PAK5: variants seen among roughly 807,000 people sequenced by gnomAD.
PAK5 encodes p21 (RAC1) activated kinase 5.
PAK5 carries 16 observed loss-of-function variants against 65.9 expected under a neutral mutation model. That is an observed-to-expected ratio of 0.24 (90% CI 0.16 to 0.37). PAK5 has a LOEUF of 0.37. Ranked by LOEUF, PAK5 falls within the 10% of genes least tolerant of loss-of-function variation. The probability of loss-of-function intolerance (pLI) is 1.00; values close to 1 mark genes in which losing one functional copy is unlikely to be tolerated. For synonymous variants in PAK5, 371 were observed against 354.9 expected (o/e 1.05, Z -0.51); for missense variants, 785 against 903.9 (o/e 0.87, Z 1.69).
At chr20:9,613,903 T>C (rs1304267145) in intron 3 of PAK5, among the ~76,000 whole-genome samples, 1 of 152,096 alleles carries the variant, frequency 6.6e-6, no homozygotes, top group Non-Finnish European at 1.5e-5. Flanking sequence ...CAAAGGCCTA[T>C]TTGCCACCGT....
intron 1 of PAK5, among the ~76,000 whole-genome samples, chr20:9,750,278 C>A (rs936830772): frequency 5.3e-5 from 8 of 152,178 alleles, no homozygotes; most frequent in African/African-American, 1.9e-4. Context: ...TAACACAACT[C>A]TGCTTTAAGA....
chr20:9,651,880 C>T (rs559034913), intron 2 of PAK5, among the ~76,000 whole-genome samples: 2 of 152,264 alleles, frequency 1.3e-5, no homozygotes, highest in African/African-American at 4.8e-5. Flanking sequence ...ATATGTCAAA[C>T]TGTGTTGGTC....
At chr20:9,624,998 G>A (rs1053375850) in intron 3 of PAK5, among the ~76,000 whole-genome samples, 6 of 152,038 alleles carry the variant, frequency 3.9e-5, no homozygotes, top group East Asian at 1.9e-4. Flanking sequence ...AAATAGATGC[G>A]GGCCATTTAC....
At chr20:9,743,708 A>G (rs1030576540) in intron 1 of PAK5, among the ~76,000 whole-genome samples, 11 of 152,150 alleles carry the variant, frequency 7.2e-5, no homozygotes, top group Admixed American at 5.9e-4. Flanking sequence ...TGGAACAACA[A>G]TGTGCTAGAA....
At position 9,691,307 on chromosome 20, in the gene PAK5, G is replaced by A. The variant is rs376763773; in HGVS notation, c.-12+19979C>T. 3.9e-5 allele frequency among the ~76,000 whole-genome samples: 6 copies of A among 152,252 alleles called. No individual in the cohort carries two copies. In the East Asian group the frequency reaches 1.2e-3, roughly 29 times the overall value. ...AAAGAGGAAAGCACTTGATTACTGA[G>A]GACACTCAGACGGTGGTGGGAGAGA... On this transcript the variant is annotated intron_variant, in intron 2 of 9. Transcript: ENST00000353224.
At chr20:9,801,737 T>A (rs2049171698) in intron 1 of PAK5, among the ~76,000 whole-genome samples, 1 of 152,110 alleles carries the variant, frequency 6.6e-6, no homozygotes, top group African/African-American at 2.4e-5. Flanking sequence ...CATTTCAGTA[T>A]ATAAAAATTT....
chr20:9,612,904 C>A (rs1017965367), intron 3 of PAK5, among the ~76,000 whole-genome samples: 1 of 152,070 alleles, frequency 6.6e-6, no homozygotes, highest in Non-Finnish European at 1.5e-5. Flanking sequence ...TCTCCCCCCC[C>A]ATTAGACTAT....
rs1208535993 is a variant in PAK5 at position 9,544,432 on chromosome 20, T to G, written c.1806A>C (p.Ser602=). 1 of 1,613,786 alleles carries G rather than the reference T, an allele frequency of 6.2e-7. No homozygotes were observed. Among genetic ancestry groups the G allele is most frequent in the African/African-American group, 1.3e-5 (1 of 74,920 alleles). The change falls in exon 8 of 10, where the codon TCA becomes TCC. Residue 602 remains serine, a synonymous_variant. Coordinates refer to ENST00000353224, the MANE Select transcript of PAK5 (RefSeq NM_177990.4). ...CCATCCAGTAGGGAGTGCCAACCAATGATTTCCTCTTCGGCACCTCTTTGG... is the reference window on the plus strand; with the variant it reads ...CCATCCAGTAGGGAGTGCCAACCAAGGATTTCCTCTTCGGCACCTCTTTGG... ...QVSKEVPKRK[S]LVGTPYWMAP...
chr20:9,641,803 C>A (rs551195874), intron 3 of PAK5, among the ~76,000 whole-genome samples: 1 of 152,186 alleles, frequency 6.6e-6, no homozygotes, highest in Non-Finnish European at 1.5e-5. Flanking sequence ...CTGGGGGACT[C>A]AGTACACCCT....
intron 2 of PAK5, among the ~76,000 whole-genome samples, chr20:9,683,997 C>T (rs1032233491): frequency 2.0e-5 from 3 of 152,288 alleles, no homozygotes; most frequent in East Asian, 1.9e-4. Context: ...TAGTTCTCTG[C>T]GGACAGAGGA....
intron 1 of PAK5, among the ~76,000 whole-genome samples, chr20:9,808,587 C>G (rs1040349761): frequency 2.6e-5 from 4 of 152,128 alleles, no homozygotes; most frequent in Non-Finnish European, 5.9e-5. Context: ...ATGGATGAAC[C>G]TTGAAAACAT....
chr20:9,747,257 C>T (rs2123604856), intron 1 of PAK5, among the ~76,000 whole-genome samples: 1 of 152,210 alleles, frequency 6.6e-6, no homozygotes, highest in Non-Finnish European at 1.5e-5. Flanking sequence ...ACCAGAGGCA[C>T]AAGGAGGAAC....
rs1010692526 is a variant in PAK5, at chr20:9,581,063, G to T, written c.205-133C>A. On this transcript the variant is annotated intron_variant, in intron 3 of 9. Transcript: ENST00000353224. The stretch of plus-strand genomic sequence containing the variant: ...ACCCCGGGAACACTTAACACAAAAT[G>T]ATAAAGAAAATGTGTTGATTGACTT... 1.1e-5 allele frequency: 7 copies of T among 635,026 alleles called. No homozygotes were observed. In the Admixed American group the frequency reaches 1.5e-4, roughly 14 times the overall value. 39.3% of individuals were successfully genotyped at this position (635,026 alleles called of 1,614,324 possible). A position where few individuals can be genotyped will look rare whatever the true frequency, so the allele number is the denominator to read the frequency against.
intron 1 of PAK5, among the ~76,000 whole-genome samples, chr20:9,783,136 A>C (rs905321035): frequency 1.3e-5 from 2 of 151,824 alleles, no homozygotes; most frequent in African/African-American, 4.8e-5. Context: ...GGGTTTCTCC[A>C]TCTTGGTCAG....
At chr20:9,807,789 T>TAATAATAATAATAAA (rs764526093) in intron 1 of PAK5, among the ~76,000 whole-genome samples, 11 of 150,300 alleles carry the variant, frequency 7.3e-5, no homozygotes, top group East Asian at 5.9e-4. Flanking sequence ...ATAATAATAA[T>TAATAATAATAATAAA]AAATCCAGTG....
intron 3 of PAK5, among the ~76,000 whole-genome samples, chr20:9,621,249 A>T (rs1372149240): frequency 6.6e-6 from 1 of 152,140 alleles, no homozygotes; most frequent in African/African-American, 2.4e-5. Context: ...TCATAGGGGA[A>T]AAAGAGACTT....
At chr20:9,779,616 G>C (rs543382685) in intron 1 of PAK5, among the ~76,000 whole-genome samples, 1 of 151,650 alleles carries the variant, frequency 6.6e-6, no homozygotes, top group African/African-American at 2.4e-5. Flanking sequence ...GGCACTAGTT[G>C]GGGAGGAAGG....
intron 1 of PAK5, among the ~76,000 whole-genome samples, chr20:9,837,273 T>G (rs960692388): frequency 6.6e-6 from 1 of 152,230 alleles, no homozygotes; most frequent in Non-Finnish European, 1.5e-5. Flanking sequence ...TGGACATTTA[T>G]GGCTTTAATT....
intron 1 of PAK5, among the ~76,000 whole-genome samples, chr20:9,823,823 G>A (rs912801619): frequency 6.6e-6 from 1 of 151,988 alleles, no homozygotes; most frequent in Non-Finnish European, 1.5e-5. Flanking sequence ...TTCTGGGGGG[G>A]AAATCCTAAC....
Sources: gnomAD v4.1 joint callset for allele counts (sites outside exome capture counted in the v4.1 genomes callset) on GRCh38, gnomAD v4.1.1 for gene constraint, MANE v1.5 for transcripts, NCBI Gene and HGNC (gene_info 2026-07-23, HGNC 2026-07-21) for gene names.